The following TRHDE variants were observed in gnomAD, a reference collection of about 807,000 sequenced individuals.
TRHDE encodes thyrotropin-releasing hormone-degrading ectoenzyme.
TRHDE carries 72 observed loss-of-function variants against 125.7 expected under a neutral mutation model. That is an observed-to-expected ratio of 0.57 (90% CI 0.47 to 0.70). The LOEUF is 0.70. Among genes scored for constraint, TRHDE ranks in the 30% least tolerant of loss-of-function variants. The probability of loss-of-function intolerance (pLI) is 0.00; values close to 1 mark genes in which losing one functional copy is unlikely to be tolerated. For missense variants in TRHDE, 1,110 were observed against 1,327.1 expected, an observed-to-expected ratio of 0.84 and a Z score of 2.54; for synonymous variants, 509 against 509.1, an observed-to-expected ratio of 1.00 and a Z score of 0.00.
intron 2 of TRHDE, among the ~76,000 whole-genome samples, chr12:72,209,607 T>C (rs1877734163): frequency 6.6e-6 from 1 of 152,204 alleles, no homozygotes; most frequent in South Asian, 2.1e-4. Flanking sequence ...AATAAGCTAA[T>C]GTATTTGATG....
At chr12:72,329,666 T>C (rs1357943103) in intron 2 of TRHDE, among the ~76,000 whole-genome samples, 1 of 152,196 alleles carries the variant, frequency 6.6e-6, no homozygotes, top group African/African-American at 2.4e-5. Flanking sequence ...TATCTCCATA[T>C]TAAAGAAGAA....
intron 6 of TRHDE, among the ~76,000 whole-genome samples, chr12:72,519,909 G>C (rs1879092654): frequency 6.6e-6 from 1 of 151,824 alleles, no homozygotes; most frequent in Non-Finnish European, 1.5e-5. Context: ...GGCCCTGTGA[G>C]GTGTCAGTCT....
intron 7 of TRHDE, among the ~76,000 whole-genome samples, chr12:72,551,268 C>T (rs1307306460): frequency 2.0e-5 from 3 of 151,956 alleles, no homozygotes; most frequent in African/African-American, 7.2e-5. Context: ...TTTTGGTCTA[C>T]CTCTGTATTT....
intron 2 of TRHDE, among the ~76,000 whole-genome samples, chr12:72,224,079 CATCTATCTATCCATCT>C (rs1399635105): frequency 1.2e-4 from 8 of 64,162 alleles, no homozygotes; most frequent in Middle Eastern, 8.6e-3. Context: ...TCTATCTATC[CATCTATCTATCCATCT>C]ATCTATCTAT....
At chr12:72,236,838 T>C (rs1878346978) in intron 2 of TRHDE, among the ~76,000 whole-genome samples, 1 of 152,208 alleles carries the variant, frequency 6.6e-6, no homozygotes, top group Non-Finnish European at 1.5e-5. Flanking sequence ...CAATGACAAC[T>C]TTAATTAGGA....
At chr12:72,308,216 C>T (rs1246316847) in intron 2 of TRHDE, among the ~76,000 whole-genome samples, 1 of 151,672 alleles carries the variant, frequency 6.6e-6, no homozygotes, top group African/African-American at 2.4e-5. Flanking sequence ...TCCTCCAGTC[C>T]CGTAGACTAT....
At chr12:72,397,740 AAGAG>A (rs1257016901) in intron 3 of TRHDE, among the ~76,000 whole-genome samples, 4 of 152,120 alleles carry the variant, frequency 2.6e-5, no homozygotes, top group African/African-American at 9.7e-5. Flanking sequence ...GAGAGAGACA[AAGAG>A]AGGCATAGAA....
chr12:72,650,008 AT>A (rs1402887383), intron 15 of TRHDE, among the ~76,000 whole-genome samples: 1 of 152,152 alleles, frequency 6.6e-6, no homozygotes, highest in Non-Finnish European at 1.5e-5. Flanking sequence ...CTACAATATA[AT>A]CCAGCATCCC....
At chr12:72,193,104 T>G (rs58601200) in intron 2 of TRHDE, among the ~76,000 whole-genome samples, 10 of 152,090 alleles carry the variant, frequency 6.6e-5, no homozygotes, top group African/African-American at 2.4e-4. Context: ...TCAAATAAAA[T>G]TTTTGGCTAG....
intron 2 of TRHDE, among the ~76,000 whole-genome samples, chr12:72,229,941 AT>A (rs1291568990): frequency 1.3e-5 from 2 of 152,198 alleles, no homozygotes; most frequent in African/African-American, 4.8e-5. Context: ...TGATAACAGT[AT>A]TCATTTTAAG....
chr12:72,491,271 G>A (rs920179876), intron 5 of TRHDE, among the ~76,000 whole-genome samples: 9 of 151,800 alleles, frequency 5.9e-5, no homozygotes, highest in Admixed American at 5.3e-4. Context: ...TTTGGGCCGC[G>A]AGAATCAGAA....
At chr12:72,630,354 T>A (rs60804981) in intron 15 of TRHDE, among the ~76,000 whole-genome samples, 9,924 of 151,828 alleles carry the variant, frequency 0.065, 424 homozygotes, top group Middle Eastern at 0.13. Context: ...GTAAGTCATG[T>A]AAAGACAGAG....
rs1282010366 is a variant in TRHDE at position 72,575,557 on chromosome 12, G to A, written c.2321+15G>A. The A allele has an allele frequency of 3.1e-6, 5 of 1,612,890 alleles. No individual in the cohort carries two copies. The highest frequency in any genetic ancestry group is 4.2e-6 in the Non-Finnish European group (5 of 1,179,258). ...AGCCTAGCCAGGTATGTTTTCCTGT[G>A]GATCTCCCCAATAAAAACTTGTGCC... On this transcript the variant is annotated intron_variant, in intron 12 of 18. Coordinates refer to ENST00000261180, the MANE Select transcript of TRHDE (RefSeq NM_013381.3).
chr12:72,585,159 T>C (rs1283377218), intron 12 of TRHDE, among the ~76,000 whole-genome samples: 1 of 152,188 alleles, frequency 6.6e-6, no homozygotes, highest in African/African-American at 2.4e-5. Flanking sequence ...AGTCATTTTA[T>C]GTCTGTTTCT....
intron 2 of TRHDE, among the ~76,000 whole-genome samples, chr12:72,288,606 C>T (rs909980407): frequency 1.3e-5 from 2 of 152,152 alleles, no homozygotes; most frequent in African/African-American, 2.4e-5. Flanking sequence ...CATTTTACGT[C>T]TTCAAAAGTT....
chr12:72,309,882 A>C (rs1480793406), intron 2 of TRHDE: 1 of 152,334 alleles, frequency 6.6e-6, no homozygotes, highest in African/African-American at 2.4e-5. Flanking sequence ...CAGAGTCAGG[A>C]GTCAAGGGGT....
At chr12:72,569,445 C>T (rs1242305196) in intron 10 of TRHDE, among the ~76,000 whole-genome samples, 1 of 152,116 alleles carries the variant, frequency 6.6e-6, no homozygotes, top group Non-Finnish European at 1.5e-5. Context: ...TTATTTTGCT[C>T]TCTCATAAGC....
chr12:72,102,576 T>C (rs1010962724), intron 1 of TRHDE, among the ~76,000 whole-genome samples: 5 of 152,186 alleles, frequency 3.3e-5, no homozygotes, highest in African/African-American at 1.2e-4. Flanking sequence ...CTAGTTCAGC[T>C]GATAATAGCC....
chr12:72,350,942 C>T (rs749826325), intron 2 of TRHDE, among the ~76,000 whole-genome samples: 58 of 151,878 alleles, frequency 3.8e-4, no homozygotes, highest in Non-Finnish European at 7.4e-5. Context: ...AGAATCCAAA[C>T]CTAGCCAGGT....
Sources: allele counts gnomAD v4.1 joint callset (sites outside exome capture counted in the v4.1 genomes callset), GRCh38; gene constraint gnomAD v4.1.1; transcripts MANE v1.5; gene names NCBI Gene and HGNC (gene_info 2026-07-23, HGNC 2026-07-21).